CAMSAP1: variants seen among roughly 807,000 people sequenced by gnomAD.
CAMSAP1 encodes the protein calmodulin regulated spectrin associated protein 1.
Under a neutral mutation model 143.5 loss-of-function variants are expected in CAMSAP1, and 58 were observed. That is an observed-to-expected ratio of 0.40 (90% CI 0.33 to 0.50). The LOEUF is 0.50. Among genes scored for constraint, CAMSAP1 ranks in the 20% least tolerant of loss-of-function variants. CAMSAP1 has a pLI of 0.45. For missense variants in CAMSAP1, 1,969 were observed against 2,115.7 expected, an observed-to-expected ratio of 0.93 and a Z score of 1.36; for synonymous variants, 945 against 859.3, an observed-to-expected ratio of 1.10 and a Z score of -1.74.
chr9:135,869,888 G>T (rs2130952823), intron 3 of CAMSAP1, among the ~76,000 whole-genome samples: 1 of 152,258 alleles, frequency 6.6e-6, no homozygotes, highest in Middle Eastern at 3.4e-3. Flanking sequence ...CAACACAGAA[G>T]AACCCTGGAA....
At chr9:135,856,893 G>A (rs1292255249) in intron 5 of CAMSAP1, among the ~76,000 whole-genome samples, 1 of 152,218 alleles carries the variant, frequency 6.6e-6, no homozygotes, top group Non-Finnish European at 1.5e-5. Flanking sequence ...TGGGAAGGCT[G>A]GCACTGTGGA....
At position 135,907,275 on chromosome 9, in the gene CAMSAP1, G is replaced by T; in HGVS notation, c.-116C>A. 1.6e-6 allele frequency: 1 copy of T among 641,582 alleles called. No individual in the cohort carries two copies. Among genetic ancestry groups the T allele is most frequent in the Non-Finnish European group, 1.9e-6 (1 of 516,814 alleles). 39.7% of individuals were successfully genotyped at this position (641,582 alleles called of 1,614,324 possible). ...CTCGGCCCCGCAGCCGGCCAGCCGG[G>T]AGGGGCGCCCGAGCGCGGCCCCCGC... On this transcript the variant is annotated 5_prime_UTR_variant, in exon 1 of 17. Coordinates refer to ENST00000389532, the MANE Select transcript of CAMSAP1 (RefSeq NM_015447.4).
intron 4 of CAMSAP1, chr9:135,865,416 G>A: frequency 6.5e-7 from 1 of 1,531,948 alleles, no homozygotes; most frequent in South Asian, 1.2e-5. Flanking sequence ...AGCAGAGCAG[G>A]TCCACGTGTG....
At chr9:135,825,871 GAC>G (rs1295350423) in intron 8 of CAMSAP1, among the ~76,000 whole-genome samples, 1 of 152,200 alleles carries the variant, frequency 6.6e-6, no homozygotes, top group Admixed American at 6.5e-5. Flanking sequence ...ACACCAAAGA[GAC>G]ACAGTGAGAG....
chr9:135,876,425 AGC>A (rs200025099), intron 3 of CAMSAP1, among the ~76,000 whole-genome samples: 1 of 152,208 alleles, frequency 6.6e-6, no homozygotes, highest in Non-Finnish European at 1.5e-5. Flanking sequence ...AAATATTTGA[AGC>A]AGCACCTCAT....
chr9:135,832,064 T>C (rs1835877602), intron 7 of CAMSAP1, among the ~76,000 whole-genome samples: 1 of 152,188 alleles, frequency 6.6e-6, no homozygotes, highest in African/African-American at 2.4e-5. Flanking sequence ...TCTAAACTCA[T>C]TTTATGAAGA....
intron 1 of CAMSAP1, among the ~76,000 whole-genome samples, chr9:135,894,411 T>A (rs987371636): frequency 3.9e-5 from 6 of 152,288 alleles, no homozygotes; most frequent in Admixed American, 1.3e-4. Flanking sequence ...ACGGTGATGC[T>A]GAAATGTTCC....
intron 1 of CAMSAP1, among the ~76,000 whole-genome samples, chr9:135,896,154 C>T (rs1198336720): frequency 6.6e-6 from 1 of 152,128 alleles, no homozygotes; most frequent in Non-Finnish European, 1.5e-5. Context: ...ATTACATGCT[C>T]TTTACAAGAA....
intron 5 of CAMSAP1, 69 bp downstream of exon 5, chr9:135,862,398 G>A: frequency 1.4e-6 from 2 of 1,426,770 alleles, no homozygotes; most frequent in East Asian, 2.5e-5. Flanking sequence ...TATATATGTG[G>A]ATCAATGTAC....
chr9:135,820,862 G>C lies in CAMSAP1; in HGVS notation c.3799C>G (p.Pro1267Ala), dbSNP rs1835418579. The change falls in exon 11 of 17, where the codon CCG (proline) becomes GCG (alanine). Residue 1267 changes from proline to alanine, a missense_variant. Physicochemically the swap from Pro to Ala is conservative, Grantham distance 27. Transcript: ENST00000389532. The surrounding 1 kb of genome is among the most constrained non-coding windows in gnomAD (Gnocchi z 4.4). Reference sequence around the variant, plus strand: ...ACCTTGAAGAAGAAGCCGACCCCCGGCTTCTGGTCGCCTTCGCTGACAAGG... The same window carrying C: ...ACCTTGAAGAAGAAGCCGACCCCCGCCTTCTGGTCGCCTTCGCTGACAAGG... ...ADLVSEGDQK[P>A]GVGFFFKDEQ... The C allele has an allele frequency of 6.2e-7, 1 of 1,613,340 alleles. No individual in the cohort carries two copies. The highest frequency in any genetic ancestry group is 8.5e-7 in the Non-Finnish European group (1 of 1,179,870).
chr9:135,876,765 T>C (rs1837764166), intron 3 of CAMSAP1, among the ~76,000 whole-genome samples: 1 of 152,172 alleles, frequency 6.6e-6, no homozygotes, highest in African/African-American at 2.4e-5. Flanking sequence ...TCCCAGCACT[T>C]TGGGAGGCTG....
intron 7 of CAMSAP1, among the ~76,000 whole-genome samples, chr9:135,838,738 T>C (rs1836226133): frequency 1.3e-5 from 2 of 151,124 alleles, no homozygotes; most frequent in Non-Finnish European, 2.9e-5. Context: ...CATCATGCAC[T>C]TTCCACCTGT....
chr9:135,827,604 G>T lies in CAMSAP1; in HGVS notation c.1046-20C>A. On this transcript the variant is annotated intron_variant, in intron 7 of 16. Coordinates refer to ENST00000389532, the MANE Select transcript of CAMSAP1 (RefSeq NM_015447.4). Reference sequence around the variant, plus strand: ...TTTTCGCTGCAGAAATAGCGTTTTTGCATCGTTACTTACAACACTAACTGG... The same window carrying T: ...TTTTCGCTGCAGAAATAGCGTTTTTTCATCGTTACTTACAACACTAACTGG... 6.5e-7 allele frequency: 1 copy of T among 1,544,448 alleles called. No individual in the cohort carries two copies. Among genetic ancestry groups the T allele is most frequent in the Non-Finnish European group, 8.8e-7 (1 of 1,134,056 alleles).
In CAMSAP1 at chr9:135,815,211, G is replaced by A; in HGVS notation, c.4392C>T (p.Pro1464=). 1 of 1,607,566 alleles carries A rather than the reference G, an allele frequency of 6.2e-7. No individual in the cohort carries two copies. The highest frequency in any genetic ancestry group is 8.5e-7 in the Non-Finnish European group (1 of 1,176,618). ...TACTACTGGGCTCCTTAAAGAGCTTGGGACCTAAGAAACGAGGCCAGGGTT... is the reference window on the plus strand; with the variant it reads ...TACTACTGGGCTCCTTAAAGAGCTTAGGACCTAAGAAACGAGGCCAGGGTT... ...SLASVAEYTG[P]KLFKEPSSKS... Residue 1464 remains proline, a synonymous_variant, in exon 16 of 17, where the codon CCC becomes CCT. Coordinates refer to ENST00000389532, the MANE Select transcript of CAMSAP1 (RefSeq NM_015447.4).
rs1308784218 is a variant in CAMSAP1, at chr9:135,822,400, C to G, written c.2261G>C (p.Gly754Ala). Reference protein sequence around the residue: ...DIEEAEHDFMGEAHPVVFSRY... With the variant: ...DIEEAEHDFMAEAHPVVFSRY... ...GCTGAAAACCACAGGATGGGCCTCACCCATGAAATCGTGCTCGGCTTCCTC... is the reference window on the plus strand; with the variant it reads ...GCTGAAAACCACAGGATGGGCCTCAGCCATGAAATCGTGCTCGGCTTCCTC... Residue 754 changes from glycine (G) to alanine (A), a missense_variant, in exon 11 of 17, where the codon GGT (glycine) becomes GCT (alanine). Gly to Ala is a moderately conservative substitution (Grantham distance 60). Around this residue, in one of 4 missense-constraint regions of CAMSAP1, gnomAD observed 1,390 missense variants for 1,420.8 expected, o/e 0.98. Coordinates refer to ENST00000389532, the MANE Select transcript of CAMSAP1 (RefSeq NM_015447.4). The surrounding 1 kb of genome is among the most constrained non-coding windows in gnomAD (Gnocchi z 6.1). 14 of 1,613,888 alleles carry G rather than the reference C, an allele frequency of 8.7e-6. No homozygotes were observed. The highest frequency in any genetic ancestry group is 1.7e-5 in the Admixed American group (1 of 60,004).
In CAMSAP1 at chr9:135,907,074, AG is replaced by A; in HGVS notation, c.85del (p.Leu29TrpfsTer68). 3.4e-6 allele frequency: 4 copies of A among 1,167,916 alleles called. No individual in the cohort carries two copies. The highest frequency in any genetic ancestry group is 2.8e-5 in the South Asian group (1 of 35,740). The allele number at this position is 1,167,916 out of a possible 1,614,324, so 72.3% of individuals were successfully genotyped here. A position where few individuals can be genotyped will look rare whatever the true frequency, so the allele number is the denominator to read the frequency against. On this transcript the variant is annotated frameshift_variant, in exon 1 of 17. Coordinates refer to ENST00000389532, the MANE Select transcript of CAMSAP1 (RefSeq NM_015447.4). LOFTEE classifies it high-confidence loss of function. ...PPDGAADLVP[L>X]DRYDAARAKI... ...GGCGCGCGCCGCGTCGTAGCGGTCC[AG>A]GGGCACGAGGTCGGCGGCGCCGTCC...
intron 3 of CAMSAP1, among the ~76,000 whole-genome samples, chr9:135,878,720 G>T (rs188072301): frequency 6.6e-6 from 1 of 152,126 alleles, no homozygotes. Context: ...CGGGGAACTC[G>T]CACTTCCTAC....
intron 3 of CAMSAP1, among the ~76,000 whole-genome samples, chr9:135,866,793 G>A (rs1002963217): frequency 1.3e-5 from 2 of 152,106 alleles, no homozygotes; most frequent in Admixed American, 6.6e-5. Flanking sequence ...CCGTCACTGC[G>A]GGGCAGAGTC....
intron 15 of CAMSAP1, among the ~76,000 whole-genome samples, chr9:135,815,448 T>C (rs1164617081): frequency 6.6e-6 from 1 of 152,194 alleles, no homozygotes; most frequent in Admixed American, 6.5e-5. Context: ...CTTTCTAAAT[T>C]CAGTGTCTTA....
Sources: allele counts gnomAD v4.1 joint callset (sites outside exome capture counted in the v4.1 genomes callset), GRCh38; gene constraint gnomAD v4.1.1; regional missense constraint gnomAD v4.1.1; non-coding constraint Gnocchi (gnomAD v3.1); transcripts MANE v1.5; gene names NCBI Gene and HGNC (gene_info 2026-07-23, HGNC 2026-07-21).